The following ATP13A5 variants were observed in gnomAD, a reference collection of about 807,000 sequenced individuals.
ATP13A5 encodes the protein ATPase 13A5.
In ATP13A5, 149 loss-of-function variants were observed where a neutral mutation model predicts 150.2. That is an observed-to-expected ratio of 0.99 (90% confidence interval 0.87 to 1.14). The LOEUF (loss-of-function observed/expected upper bound fraction) is 1.14. ATP13A5 is among the 50% of genes most tolerant of loss of function. The pLI is 0.00. For missense variants in ATP13A5, 1,383 were observed against 1,449.3 expected, an observed-to-expected ratio of 0.95 and a Z score of 0.74; for synonymous variants, 497 against 522.2, an observed-to-expected ratio of 0.95 and a Z score of 0.66.
rs771196726 is a variant in ATP13A5, at chr3:193,333,757, T to C, written c.1265A>G (p.Tyr422Cys). 4.3e-6 allele frequency: 7 copies of C among 1,613,426 alleles called. No homozygotes were observed. In the South Asian group the frequency reaches 6.6e-5, roughly 15 times the overall value. ...CTTACCCCCAGTACTTACTCCATGG[T>C]ACATATATACCCCTAGGGCATAGAA... ...GFFYALGVYM[Y>C]HGVPPKDTVT... is the part of the protein sequence containing the mutation. The change falls in exon 11 of 30, where the codon TAC becomes TGC. Residue 422 changes from tyrosine (Y) to cysteine (C), a missense_variant. By Grantham distance (194) the Tyr-to-Cys change is radical. Transcript: ENST00000342358.
chr3:193,285,238 T>C (rs1717672075), intron 26 of ATP13A5, 122 bp from the exon 27 acceptor site: 2 of 727,728 alleles, frequency 2.7e-6, no homozygotes. Flanking sequence ...AGCCAGTAAC[T>C]ACCAAGACAT....
chr3:193,310,496 G>A (rs1395151927), intron 21 of ATP13A5, 142 bp downstream of exon 21: 1 of 621,944 alleles, frequency 1.6e-6, no homozygotes, highest in East Asian at 2.8e-5. Flanking sequence ...TAGTGTATAA[G>A]TGTTCCCTTT....
chr3:193,368,564 A>C (rs1713331868), intron 1 of ATP13A5, among the ~76,000 whole-genome samples: 1 of 152,190 alleles, frequency 6.6e-6, no homozygotes. Flanking sequence ...AATTAAGAAA[A>C]TGAGGTATAC....
In ATP13A5 at chr3:193,305,543, G is replaced by C; in HGVS notation, c.2678+16C>G. ...GCCCATTGATTGTAGGGCTGGAAGA[G>C]GAAAAAATGACTTACCTGATGAGAT... On this transcript the variant is annotated intron_variant, in intron 23 of 29. Transcript: ENST00000342358. The C allele has an allele frequency of 1.2e-6, 2 of 1,602,012 alleles. No individual in the cohort carries two copies. Among genetic ancestry groups the C allele is most frequent in the Middle Eastern group, 1.7e-4 (1 of 6,032 alleles).
Position 193,351,101 on chromosome 3 carries a change from A to G in ATP13A5, c.707T>C (p.Ile236Thr). ...ATCATACACACTTAAGACAATGGAGATAACAGTCAAAATGATGATGGCCAC... is the reference window on the plus strand; with the variant it reads ...ATCATACACACTTAAGACAATGGAGGTAACAGTCAAAATGATGATGGCCAC... ...YSVAIIILTV[I>T]SIVLSVYDLR... Residue 236 changes from isoleucine (I) to threonine (T), a missense_variant, in exon 7 of 30, where the codon ATC (isoleucine) becomes ACC (threonine). Physicochemically the swap from Ile to Thr is moderately conservative, Grantham distance 89. This residue lies in a region of ATP13A5 where 787 missense variants were observed against 771.9 expected (regional missense o/e 1.02). Coordinates refer to ENST00000342358, the MANE Select transcript of ATP13A5 (RefSeq NM_198505.4). 1 of 1,613,696 alleles carries G rather than the reference A, an allele frequency of 6.2e-7. No individual in the cohort carries two copies. The highest frequency in any genetic ancestry group is 8.5e-7 in the Non-Finnish European group (1 of 1,179,708).
chr3:193,294,985 G>A (rs967647043), intron 25 of ATP13A5, among the ~76,000 whole-genome samples: 24 of 152,088 alleles, frequency 1.6e-4, no homozygotes, highest in African/African-American at 5.8e-4. Flanking sequence ...AGAGTATCAT[G>A]CCACTTTCTT....
chr3:193,344,844 T>C (rs542412814), intron 8 of ATP13A5, among the ~76,000 whole-genome samples, 159 bp downstream of exon 8: 4 of 152,144 alleles, frequency 2.6e-5, no homozygotes, highest in African/African-American at 4.8e-5. Flanking sequence ...CTTGCCTCTT[T>C]AAATTTTCTA....
chr3:193,292,725 A>G (rs200331353), intron 25 of ATP13A5, among the ~76,000 whole-genome samples: 26 of 152,286 alleles, frequency 1.7e-4, no homozygotes, highest in Non-Finnish European at 2.9e-4. Flanking sequence ...GACCTAGATC[A>G]GCTAAATGAC....
intron 11 of ATP13A5, among the ~76,000 whole-genome samples, chr3:193,333,209 C>A (rs1711708814): frequency 6.6e-6 from 1 of 151,444 alleles, no homozygotes; most frequent in Non-Finnish European, 1.5e-5. Context: ...ATTGATGCCA[C>A]CAATTTGGAC....
At chr3:193,367,754 G>A (rs1442380549) in intron 1 of ATP13A5, among the ~76,000 whole-genome samples, 1 of 151,978 alleles carries the variant, frequency 6.6e-6, no homozygotes, top group Non-Finnish European at 1.5e-5. Flanking sequence ...TAGAGAAAAA[G>A]ACTTATACAA....
intron 1 of ATP13A5, among the ~76,000 whole-genome samples, chr3:193,369,870 G>A (rs1713382937): frequency 6.6e-6 from 1 of 152,154 alleles, no homozygotes; most frequent in South Asian, 2.1e-4. Context: ...GAGGTGTAAG[G>A]TGTTGAGAGA....
chr3:193,326,004 G>A (rs2108867436), intron 13 of ATP13A5, among the ~76,000 whole-genome samples: 1 of 152,296 alleles, frequency 6.6e-6, no homozygotes, highest in East Asian at 1.9e-4. Flanking sequence ...AGACACATCA[G>A]TAGGGTTAAA....
chr3:193,376,518 C>T (rs1713650230), intron 1 of ATP13A5, among the ~76,000 whole-genome samples: 2 of 152,078 alleles, frequency 1.3e-5, no homozygotes, highest in Admixed American at 6.5e-5. Flanking sequence ...GGCCAGGGGT[C>T]TCTTTTCTTT....
In ATP13A5 at chr3:193,299,154, A is replaced by T; in HGVS notation, c.2825T>A (p.Ile942Asn). The T allele has an allele frequency of 6.2e-7, 1 of 1,609,574 alleles. No individual in the cohort carries two copies. Among genetic ancestry groups the T allele is most frequent in the South Asian group, 1.1e-5 (1 of 89,954 alleles). Residue 942 changes from isoleucine (I) to asparagine (N), a missense_variant, in exon 25 of 30, where the codon ATT becomes AAT. Ile to Asn is a moderately radical substitution (Grantham distance 149, BLOSUM62 -3). Transcript: ENST00000342358. ...NYQYLMQDVA[I>N]TLMVCLTMSS... Reference sequence around the variant, plus strand: ...ACTTGTTAAACAGACCATCAAAGTAATGGCTACATCTTGCATGAGATACTG... The same window carrying T: ...ACTTGTTAAACAGACCATCAAAGTATTGGCTACATCTTGCATGAGATACTG...
intron 28 of ATP13A5, among the ~76,000 whole-genome samples, chr3:193,277,310 G>C (rs1560109391): frequency 6.6e-6 from 1 of 152,166 alleles, no homozygotes; most frequent in Admixed American, 6.5e-5. Context: ...CCCTATGTCT[G>C]ATGGGTTAAT....
At position 193,289,981 on chromosome 3, in the gene ATP13A5, G is replaced by A. The variant is rs773354921; in HGVS notation, c.2927C>T (p.Ser976Leu). 1.9e-6 allele frequency: 3 copies of A among 1,612,912 alleles called. No individual in the cohort carries two copies. The highest frequency in any genetic ancestry group is 1.3e-5 in the African/African-American group (1 of 74,954). Residue 976 changes from serine (S) to leucine (L), a missense_variant, in exon 26 of 30, where the codon TCA (serine) becomes TTA (leucine). By Grantham distance (145) the Ser-to-Leu change is moderately radical (BLOSUM62 -2). Transcript: ENST00000342358. ...GQLLSPPLLLSIFLNSCFSCI... is the reference protein window; with the variant it reads ...GQLLSPPLLLLIFLNSCFSCI... ...GGAGAAACAGGAATTCAAAAATATT[G>A]AAAGCAGTAAAGGGGGAGAAAGGAG...
chr3:193,334,275 G>T (rs182791001), intron 10 of ATP13A5, among the ~76,000 whole-genome samples: 3 of 152,296 alleles, frequency 2.0e-5, no homozygotes, highest in Non-Finnish European at 2.9e-5. Flanking sequence ...GAGGTCAGAG[G>T]TTAGAACAGA....
intron 26 of ATP13A5, among the ~76,000 whole-genome samples, chr3:193,285,842 G>A (rs112055374): frequency 1.3e-5 from 2 of 152,118 alleles, no homozygotes; most frequent in Non-Finnish European, 2.9e-5. Flanking sequence ...AGTGGTACTA[G>A]TGCCCACAAA....
Position 193,279,451 on chromosome 3 carries a change from A to G in ATP13A5, c.3230T>C (p.Ile1077Thr), listed in dbSNP as rs751000415. ...PFRKPIYTNY[I>T]FSFLLLAALG... ...GGCAGCTAGCAGCAGAAATGAAAATATATCTGAGGAAATACCAAACATTAT... is the reference window on the plus strand; with the variant it reads ...GGCAGCTAGCAGCAGAAATGAAAATGTATCTGAGGAAATACCAAACATTAT... Residue 1077 changes from isoleucine (I) to threonine (T), a missense_variant, in exon 28 of 30, where the codon ATA becomes ACA. By Grantham distance (89) the Ile-to-Thr change is moderately conservative. Transcript: ENST00000342358. 6.2e-7 allele frequency: 1 copy of G among 1,611,810 alleles called. No individual in the cohort carries two copies. The highest frequency in any genetic ancestry group is 1.1e-5 in the South Asian group (1 of 91,002).
Sources: gnomAD v4.1 joint callset for allele counts (sites outside exome capture counted in the v4.1 genomes callset) on GRCh38, gnomAD v4.1.1 for gene constraint, gnomAD v4.1.1 regional missense constraint, MANE v1.5 for transcripts, NCBI Gene and HGNC (gene_info 2026-07-23, HGNC 2026-07-21) for gene names.